The following DLG2 variants were observed in gnomAD, a reference collection of about 807,000 sequenced individuals.
The protein encoded by DLG2 is discs large MAGUK scaffold protein 2, also known as disks large homolog 2.
A neutral mutation model predicts 132.5 loss-of-function variants in DLG2; 45 were observed. That is an observed-to-expected ratio of 0.34 (90% confidence interval 0.27 to 0.44). The LOEUF is 0.44. DLG2 is among the 20% of genes least tolerant of loss of function. DLG2 has a pLI of 1.00. For missense variants in DLG2, 1,045 were observed against 1,196.9 expected, an observed-to-expected ratio of 0.87 and a Z score of 1.87; for synonymous variants, 424 against 419.6, an observed-to-expected ratio of 1.01 and a Z score of -0.13.
At chr11:84,750,599 T>C (rs1295548866) in intron 6 of DLG2, among the ~76,000 whole-genome samples, 1 of 152,176 alleles carries the variant, frequency 6.6e-6, no homozygotes, top group Non-Finnish European at 1.5e-5. Flanking sequence ...CAAATTATAC[T>C]CTTATGTTCA....
At chr11:85,216,251 T>C (rs1017683084) in intron 4 of DLG2, among the ~76,000 whole-genome samples, 1 of 152,180 alleles carries the variant, frequency 6.6e-6, no homozygotes, top group Admixed American at 6.6e-5. Flanking sequence ...CACAGGATCA[T>C]ACAAATAGCC....
chr11:85,195,092 C>A (rs1440389432), intron 4 of DLG2, among the ~76,000 whole-genome samples: 1 of 152,194 alleles, frequency 6.6e-6, no homozygotes, highest in African/African-American at 2.4e-5. Flanking sequence ...CAAGGGACAG[C>A]ATCTAAAAAT....
intron 19 of DLG2, among the ~76,000 whole-genome samples, chr11:83,600,267 G>GTGTGTGTGTGTGTGTA (rs1484185818): frequency 6.6e-6 from 1 of 151,652 alleles, no homozygotes; most frequent in Non-Finnish European, 1.5e-5. Flanking sequence ...GTGTGTGTGT[G>GTGTGTGTGTGTGTGTA]TATGACATTC....
At chr11:85,121,518 G>C (rs2074312457) in intron 5 of DLG2, among the ~76,000 whole-genome samples, 1 of 151,844 alleles carries the variant, frequency 6.6e-6, no homozygotes. Context: ...AGATCTGACT[G>C]CTTTAGTTTT....
chr11:85,176,001 A>T (rs1208514564), intron 4 of DLG2, among the ~76,000 whole-genome samples: 1 of 152,214 alleles, frequency 6.6e-6, no homozygotes, highest in African/African-American at 2.4e-5. Context: ...ATGCTCATGG[A>T]GAGGAAGAAT....
At chr11:84,795,870 C>T (rs780088288) in intron 6 of DLG2, among the ~76,000 whole-genome samples, 2 of 152,292 alleles carry the variant, frequency 1.3e-5, no homozygotes, top group South Asian at 4.1e-4. Flanking sequence ...CTGGTTCAAC[C>T]ACAGGCTCGC....
chr11:85,099,863 G>C (rs143097195), intron 6 of DLG2, among the ~76,000 whole-genome samples: 78 of 152,160 alleles, frequency 5.1e-4, no homozygotes, highest in African/African-American at 1.8e-3. Flanking sequence ...TTTGTATCTA[G>C]AAAAAAATCA....
At chr11:85,403,921 T>C (rs1180428190) in intron 3 of DLG2, among the ~76,000 whole-genome samples, 2 of 152,010 alleles carry the variant, frequency 1.3e-5, no homozygotes, top group Non-Finnish European at 2.9e-5. Context: ...AAGTTTCTAA[T>C]GTAGAAGGGA....
intron 7 of DLG2, among the ~76,000 whole-genome samples, chr11:84,459,722 A>G (rs2099075293): frequency 6.6e-6 from 1 of 150,584 alleles, no homozygotes; most frequent in African/African-American, 2.4e-5. Flanking sequence ...TTAGTGTTAT[A>G]AATCTAATTT....
At chr11:84,154,645 C>A (rs187629127) in intron 9 of DLG2, among the ~76,000 whole-genome samples, 1 of 152,120 alleles carries the variant, frequency 6.6e-6, no homozygotes, top group Non-Finnish European at 1.5e-5. Flanking sequence ...CTATCCCTCC[C>A]CCCTTCCCCC....
At chr11:85,430,282 A>G (rs567586659) in intron 3 of DLG2, among the ~76,000 whole-genome samples, 7 of 152,090 alleles carry the variant, frequency 4.6e-5, no homozygotes, top group Non-Finnish European at 8.8e-5. Flanking sequence ...CAGCACACCA[A>G]CATGGCACAT....
chr11:84,933,775 G>A lies in DLG2; in HGVS notation c.357+177886C>T, dbSNP rs147219615. Reference sequence around the variant, plus strand: ...AAAGCTTTTGGGCTGAGACTATGGGGTTTTCTAGATATAAGATCATGTCAT... The same window carrying A: ...AAAGCTTTTGGGCTGAGACTATGGGATTTTCTAGATATAAGATCATGTCAT... On this transcript the variant is annotated intron_variant, in intron 6 of 27. Transcript: ENST00000376104. Among the ~76,000 whole-genome samples, 165 of 152,280 alleles carry A rather than the reference G, an allele frequency of 1.1e-3. 1 individual carries two copies. Among genetic ancestry groups the A allele is most frequent in the African/African-American group, 3.9e-3 (161 of 41,560 alleles).
In DLG2 at chr11:85,142,269, T is replaced by A. The variant is rs376246375; in HGVS notation, c.282+12287A>T. On this transcript the variant is annotated intron_variant, in intron 5 of 27. Transcript: ENST00000376104. ...TATCGTTTTCATTGAAGAGATCATTTACTTCTGTGATTAAAATTTATTCCT... is the reference window on the plus strand; with the variant it reads ...TATCGTTTTCATTGAAGAGATCATTAACTTCTGTGATTAAAATTTATTCCT... Among the ~76,000 whole-genome samples, 3 of 151,828 alleles carry A rather than the reference T, an allele frequency of 2.0e-5. No individual in the cohort carries two copies. In the East Asian group the frequency reaches 5.8e-4, roughly 29 times the overall value.
intron 3 of DLG2, among the ~76,000 whole-genome samples, chr11:85,509,562 C>A (rs766558685): frequency 1.2e-4 from 19 of 152,164 alleles, no homozygotes; most frequent in South Asian, 6.2e-4. Flanking sequence ...GACAAACACA[C>A]GTTCTAGCTG....
chr11:85,204,341 G>C (rs971523897), intron 4 of DLG2, among the ~76,000 whole-genome samples: 1 of 152,060 alleles, frequency 6.6e-6, no homozygotes, highest in Admixed American at 6.5e-5. Context: ...TAAAGTTGCA[G>C]GATATAGCAT....
chr11:84,790,774 A>G (rs1474320302), intron 6 of DLG2, among the ~76,000 whole-genome samples: 9 of 152,198 alleles, frequency 5.9e-5, no homozygotes, highest in Admixed American at 5.2e-4. Context: ...ACGATGAGAG[A>G]CAGTAGTCTA....
chr11:84,320,203 C>T (rs2098396302), intron 7 of DLG2, among the ~76,000 whole-genome samples: 1 of 152,204 alleles, frequency 6.6e-6, no homozygotes, highest in African/African-American at 2.4e-5. Flanking sequence ...TTATTGAACT[C>T]TCTTTGACCT....
intron 7 of DLG2, among the ~76,000 whole-genome samples, chr11:84,320,492 A>G (rs1433918486): frequency 6.6e-6 from 1 of 152,198 alleles, no homozygotes; most frequent in Admixed American, 6.5e-5. Context: ...AAAAGTGTGT[A>G]CAGTCTATTC....
At chr11:84,793,464 T>C (rs1192365063) in intron 6 of DLG2, among the ~76,000 whole-genome samples, 1 of 152,230 alleles carries the variant, frequency 6.6e-6, no homozygotes, top group Non-Finnish European at 1.5e-5. Context: ...GTTGATTTTC[T>C]TTCTGGGAGA....
Sources: allele counts gnomAD v4.1 joint callset (sites outside exome capture counted in the v4.1 genomes callset), GRCh38; gene constraint gnomAD v4.1.1; transcripts MANE v1.5; gene names NCBI Gene and HGNC (gene_info 2026-07-23, HGNC 2026-07-21).